The following PTPRG variants were observed in gnomAD, a reference collection of about 807,000 sequenced individuals.
PTPRG encodes receptor-type tyrosine-protein phosphatase gamma.
Under a neutral mutation model 165.3 loss-of-function variants are expected in PTPRG, and 102 were observed. That is an observed-to-expected ratio of 0.62 (90% confidence interval 0.53 to 0.73). The LOEUF (loss-of-function observed/expected upper bound fraction) is 0.73, where lower values mean the gene tolerates loss of function less well. PTPRG is among the 30% of genes least tolerant of loss of function. The probability of loss-of-function intolerance (pLI) is 0.00; values close to 1 mark genes in which losing one functional copy is unlikely to be tolerated. For missense variants in PTPRG, 1,866 were observed against 1,861.4 expected, an observed-to-expected ratio of 1.00 and a Z score of -0.05; for synonymous variants, 675 against 669.5, an observed-to-expected ratio of 1.01 and a Z score of -0.13.
At chr3:61,589,707 T>C (rs1399244678) in intron 1 of PTPRG, among the ~76,000 whole-genome samples, 19 of 152,060 alleles carry the variant, frequency 1.2e-4, no homozygotes, top group Admixed American at 1.2e-3. Flanking sequence ...TGCTGTATGC[T>C]TAGCACATGG....
intron 1 of PTPRG, among the ~76,000 whole-genome samples, chr3:61,576,535 T>C (rs1700176784): frequency 2.0e-5 from 3 of 152,244 alleles, no homozygotes; most frequent in Admixed American, 2.0e-4. Flanking sequence ...TAGATGTTGC[T>C]AATTGATCAC....
At chr3:61,749,522 T>TG in intron 2 of PTPRG, 1 of 201,186 alleles carries the variant, frequency 5.0e-6, no homozygotes, top group Non-Finnish European at 1.0e-5. Context: ...TTTGAGCTAA[T>TG]GAAGGGAGAG....
intron 14 of PTPRG, among the ~76,000 whole-genome samples, chr3:62,236,972 G>GGTTTGTTTGTTTGTTT (rs374757586): frequency 2.6e-5 from 4 of 152,048 alleles, no homozygotes; most frequent in African/African-American, 7.3e-5. Flanking sequence ...CTTTTAAGGA[G>GGTTTGTTTGTTTGTTT]GTTTGTTTGT....
intron 8 of PTPRG, among the ~76,000 whole-genome samples, chr3:62,176,092 T>C (rs577971265): frequency 1.3e-5 from 2 of 152,178 alleles, no homozygotes; most frequent in Non-Finnish European, 2.9e-5. Flanking sequence ...CTGGCTGTTA[T>C]GTGGCGAATG....
intron 1 of PTPRG, among the ~76,000 whole-genome samples, chr3:61,614,524 C>T (rs1328879431): frequency 6.7e-6 from 1 of 148,548 alleles, no homozygotes; most frequent in East Asian, 2.0e-4. Flanking sequence ...ATCCTGCCAC[C>T]TCAGCTTCCC....
intron 2 of PTPRG, among the ~76,000 whole-genome samples, chr3:61,784,503 A>T (rs1217275610): frequency 6.6e-6 from 1 of 152,124 alleles, no homozygotes; most frequent in Non-Finnish European, 1.5e-5. Flanking sequence ...ATGAGTACGG[A>T]CTGTGGTTGA....
At chr3:61,599,589 C>G (rs898239532) in intron 1 of PTPRG, among the ~76,000 whole-genome samples, 3 of 152,016 alleles carry the variant, frequency 2.0e-5, no homozygotes, top group African/African-American at 7.2e-5. Context: ...ATTTCCTGGG[C>G]TCAAGTGGTC....
At chr3:62,113,890 A>G (rs571110053) in intron 5 of PTPRG, among the ~76,000 whole-genome samples, 1 of 152,384 alleles carries the variant, frequency 6.6e-6, no homozygotes, top group East Asian at 1.9e-4. Flanking sequence ...GTAGCTATTT[A>G]TGGATTTATT....
At chr3:61,569,992 G>A (rs899802980) in intron 1 of PTPRG, among the ~76,000 whole-genome samples, 5 of 152,146 alleles carry the variant, frequency 3.3e-5, no homozygotes. Context: ...AGAAAGAGTC[G>A]CCTAGTCCTG....
At chr3:61,742,225 C>T (rs1195598992) in intron 1 of PTPRG, among the ~76,000 whole-genome samples, 3 of 152,060 alleles carry the variant, frequency 2.0e-5, no homozygotes, top group Non-Finnish European at 2.9e-5. Flanking sequence ...ACAGTTAAGG[C>T]AGATGGGATA....
chr3:61,796,073 T>G (rs2035035670), intron 2 of PTPRG, among the ~76,000 whole-genome samples: 1 of 152,208 alleles, frequency 6.6e-6, no homozygotes, highest in Non-Finnish European at 1.5e-5. Flanking sequence ...AAATTCCCTT[T>G]AATAATCATC....
chr3:61,615,188 T>C (rs1448453628), intron 1 of PTPRG, among the ~76,000 whole-genome samples: 1 of 152,210 alleles, frequency 6.6e-6, no homozygotes, highest in Non-Finnish European at 1.5e-5. Context: ...TATACCACAC[T>C]ACTGTCTAAT....
At position 61,575,414 on chromosome 3, in the gene PTPRG, A is replaced by AT. The variant is rs768255139; in HGVS notation, c.85+13049dup. On this transcript the variant is annotated intron_variant, in intron 1 of 29. Coordinates refer to ENST00000474889, the MANE Select transcript of PTPRG (RefSeq NM_002841.4). The stretch of plus-strand genomic sequence containing the variant: ...CAAATGTGTATTTAAAAAAAAATGC[A>AT]TTTTTTTGCAGGTACCAGAGTGAAT... Among the ~76,000 whole-genome samples, 7 of 152,068 alleles carry AT rather than the reference A, an allele frequency of 4.6e-5. No homozygotes were observed. The East Asian group carries it at 9.7e-4, about 21-fold the overall frequency.
At chr3:61,894,425 T>G (rs1001430204) in intron 2 of PTPRG, among the ~76,000 whole-genome samples, 1 of 151,668 alleles carries the variant, frequency 6.6e-6, no homozygotes, top group African/African-American at 2.4e-5. Context: ...TTTACTCTGT[T>G]GGCAGCTGAG....
At chr3:61,784,317 A>T (rs1437425204) in intron 2 of PTPRG, among the ~76,000 whole-genome samples, 1 of 152,214 alleles carries the variant, frequency 6.6e-6, no homozygotes, top group Non-Finnish European at 1.5e-5. Flanking sequence ...AGCGAGAAGC[A>T]GCCGTCATTT....
chr3:62,274,999 TGAA>T (rs1702186644), intron 23 of PTPRG, among the ~76,000 whole-genome samples: 1 of 151,960 alleles, frequency 6.6e-6, no homozygotes, highest in Non-Finnish European at 1.5e-5. Flanking sequence ...GAGCTCAAGA[TGAA>T]GAAAAAAACA....
At chr3:61,630,218 T>C (rs1380209519) in intron 1 of PTPRG, among the ~76,000 whole-genome samples, 2 of 152,200 alleles carry the variant, frequency 1.3e-5, no homozygotes, top group African/African-American at 2.4e-5. Flanking sequence ...TCTGGGTCTT[T>C]TTTATGGAGT....
chr3:61,889,902 G>A (rs190443051), intron 2 of PTPRG, among the ~76,000 whole-genome samples: 66 of 152,262 alleles, frequency 4.3e-4, no homozygotes, highest in Admixed American at 2.4e-3. Flanking sequence ...TTATAATACA[G>A]AGACATACCT....
intron 2 of PTPRG, among the ~76,000 whole-genome samples, chr3:61,815,974 G>C (rs2035751619): frequency 6.6e-6 from 1 of 152,126 alleles, no homozygotes; most frequent in Non-Finnish European, 1.5e-5. Flanking sequence ...TTTAACCCTT[G>C]AAAATATTAC....
Sources: gnomAD v4.1 joint callset for allele counts (sites outside exome capture counted in the v4.1 genomes callset) on GRCh38, gnomAD v4.1.1 for gene constraint, MANE v1.5 for transcripts, NCBI Gene and HGNC (gene_info 2026-07-23, HGNC 2026-07-21) for gene names.